CLSPN: variants seen among roughly 807,000 people sequenced by gnomAD.
The protein encoded by CLSPN is claspin.
In CLSPN, 85 loss-of-function variants were observed where a neutral mutation model predicts 156.3. The observed-to-expected ratio is 0.54, with a 90% CI of 0.46 to 0.65. The LOEUF is 0.65. Among genes scored for constraint, CLSPN ranks in the 30% least tolerant of loss-of-function variants. CLSPN has a pLI of 0.00. For synonymous variants in CLSPN, 534 were observed against 542.4 expected (o/e 0.98, Z 0.22); for missense variants, 1,407 against 1,554.9 (o/e 0.90, Z 1.60).
Position 35,733,236 on chromosome 1 carries a change from G to A in CLSPN, c.*3260C>T, listed in dbSNP as rs1180635539. ...AGCTGCCTCAGCCTCCCAAAGTGCTGAGATTACAGGCATAAGCCACCACGC... is the reference window on the plus strand; with the variant it reads ...AGCTGCCTCAGCCTCCCAAAGTGCTAAGATTACAGGCATAAGCCACCACGC... On this transcript the variant is annotated 3_prime_UTR_variant, in exon 25 of 25. Coordinates refer to ENST00000318121, the MANE Select transcript of CLSPN (RefSeq NM_022111.4). 1.3e-5 allele frequency among the ~76,000 whole-genome samples: 2 copies of A among 151,702 alleles called. No individual in the cohort carries two copies. Among genetic ancestry groups the A allele is most frequent in the Non-Finnish European group, 2.9e-5 (2 of 67,976 alleles).
At chr1:35,751,116 T>A in intron 10 of CLSPN, 134 bp downstream of exon 10, 1 of 1,046,888 alleles carries the variant, frequency 9.6e-7, no homozygotes, top group Non-Finnish European at 1.4e-6. Context: ...TAGGGATATA[T>A]GAGGTAGTTA....
rs1641413282 is a variant in CLSPN, at chr1:35,734,847, A to G, written c.*1649T>C. The G allele has an allele frequency of 1.3e-5, 13 of 985,458 alleles. No individual in the cohort carries two copies. The highest frequency in any genetic ancestry group is 1.6e-5 in the Non-Finnish European group (13 of 829,942). The allele number at this position is 985,458 out of a possible 1,614,324, so 61.0% of individuals were successfully genotyped here. ...AAGTACAGGTCCTGACACTGAAACC[A>G]CAGTATTCACATGGAATGTTTTTCC... On this transcript the variant is annotated 3_prime_UTR_variant, in exon 25 of 25. Coordinates refer to ENST00000318121, the MANE Select transcript of CLSPN (RefSeq NM_022111.4).
At chr1:35,730,398 G>A (rs143498819), downstream of CLSPN, among the ~76,000 whole-genome samples, 667 of 151,734 alleles carry the variant, frequency 4.4e-3, 3 homozygotes, top group Non-Finnish European at 7.4e-3. Context: ...ACAAAAATTA[G>A]CTGGGCACTA....
At chr1:35,752,245 A>G (rs982681186) in intron 9 of CLSPN, among the ~76,000 whole-genome samples, 3 of 152,180 alleles carry the variant, frequency 2.0e-5, no homozygotes, top group Admixed American at 1.3e-4. Flanking sequence ...TTAATGAGTC[A>G]TGTTGTATTC....
At position 35,734,900 on chromosome 1, in the gene CLSPN, G is replaced by A; in HGVS notation, c.*1596C>T. 1 of 985,372 alleles carries A rather than the reference G, an allele frequency of 1.0e-6. No homozygotes were observed. Among genetic ancestry groups the A allele is most frequent in the East Asian group, 1.1e-4 (1 of 8,806 alleles). 61.0% of individuals were successfully genotyped at this position (985,372 alleles called of 1,614,324 possible). On this transcript the variant is annotated 3_prime_UTR_variant, in exon 25 of 25. Coordinates refer to ENST00000318121, the MANE Select transcript of CLSPN (RefSeq NM_022111.4). ...AGCAGCACTGATGCTCAGTTCTGAG[G>A]GGAAAAACATTTGTCTAAAATTCTG...
intron 8 of CLSPN, among the ~76,000 whole-genome samples, chr1:35,755,083 T>C (rs968252626): frequency 2.0e-5 from 3 of 152,156 alleles, no homozygotes; most frequent in African/African-American, 7.2e-5. Context: ...TCAGGCGGCC[T>C]TCTCGTCCAT....
intron 3 of CLSPN, among the ~76,000 whole-genome samples, chr1:35,763,861 A>C (rs1200765281): frequency 6.7e-6 from 1 of 149,838 alleles, no homozygotes; most frequent in African/African-American, 2.5e-5. Context: ...TGGTACAATT[A>C]CAGCTTCATT....
downstream of CLSPN, among the ~76,000 whole-genome samples, chr1:35,729,248 T>C (rs913727617): frequency 1.3e-5 from 2 of 152,094 alleles, no homozygotes; most frequent in Non-Finnish European, 2.9e-5. Context: ...GACTAGGCAA[T>C]AATTCTCCAG....
At chr1:35,729,397 T>C (rs759397974), downstream of CLSPN, among the ~76,000 whole-genome samples, 2 of 152,202 alleles carry the variant, frequency 1.3e-5, no homozygotes, top group African/African-American at 2.4e-5. Flanking sequence ...CCTTAGGCTG[T>C]AGCTACTTCA....
rs748810085 is a variant in CLSPN at position 35,743,516 on chromosome 1, T to C, written c.2981A>G (p.Glu994Gly). ...CCGAAAGTCTCCAAATTCCTCCTCC[T>C]CGTCTTCCTCTTCCCTAAAATGTAA... ...SFPTDKEEED[E>G]EEEFGDFRLV... The change falls in exon 17 of 25, where the codon GAG becomes GGG. Residue 994 changes from glutamate to glycine, a missense_variant. Physicochemically the swap from Glu to Gly is moderately conservative, Grantham distance 98. This residue lies in a region of CLSPN where 1,096 missense variants were observed against 1,193.0 expected (regional missense o/e 0.92). Transcript: ENST00000318121. 6.2e-7 allele frequency: 1 copy of C among 1,613,238 alleles called. No individual in the cohort carries two copies. Among genetic ancestry groups the C allele is most frequent in the East Asian group, 2.2e-5 (1 of 44,870 alleles).
exon 25 of CLSPN, chr1:35,720,783 C>T (rs144510268): frequency 4.2e-6 from 3 of 722,268 alleles, no homozygotes; most frequent in Middle Eastern, 2.5e-4. Flanking sequence ...CTTTGGTGAT[C>T]TAGGGTTATG....
In CLSPN at chr1:35,747,012, A is replaced by G. The variant is rs752658697; in HGVS notation, c.2628-20T>C. The G allele has an allele frequency of 7.5e-6, 12 of 1,593,282 alleles. No homozygotes were observed. The South Asian group carries it at 1.3e-4, about 18-fold the overall frequency. On this transcript the variant is annotated intron_variant, in intron 14 of 24. Transcript: ENST00000318121. ...AAGAACCTAAGAACCAATGAGCACA[A>G]CGAATAGTGTAAAAAATTCCTCAGA...
chr1:35,761,317 C>A, intron 6 of CLSPN, 113 bp from the exon 7 acceptor site: 1 of 642,816 alleles, frequency 1.6e-6, no homozygotes, highest in Non-Finnish European at 2.5e-6. Context: ...TAGAAAACTC[C>A]CCTTTAACAA....
chr1:35,733,880 T>C lies in CLSPN; in HGVS notation c.*2616A>G. 1 of 590,740 alleles carries C rather than the reference T, an allele frequency of 1.7e-6. No individual in the cohort carries two copies. Among genetic ancestry groups the C allele is most frequent in the African/African-American group, 2.0e-5 (1 of 49,484 alleles). 36.6% of individuals were successfully genotyped at this position (590,740 alleles called of 1,614,324 possible). A position where few individuals can be genotyped will look rare whatever the true frequency, so the allele number is the denominator to read the frequency against. On this transcript the variant is annotated 3_prime_UTR_variant, in exon 25 of 25. Coordinates refer to ENST00000318121, the MANE Select transcript of CLSPN (RefSeq NM_022111.4). ...TAATGTGGCCCAGCTATTCCAAAGGTTGAGGAAGGAGGATGCTGAAGCCCA... is the reference window on the plus strand; with the variant it reads ...TAATGTGGCCCAGCTATTCCAAAGGCTGAGGAAGGAGGATGCTGAAGCCCA...
At position 35,745,586 on chromosome 1, in the gene CLSPN, G is replaced by A. The variant is rs771280904; in HGVS notation, c.2855-24C>T. 9.5e-6 allele frequency: 14 copies of A among 1,472,234 alleles called. No homozygotes were observed. The Admixed American group carries it at 1.3e-4, about 14-fold the overall frequency. The allele number at this position is 1,472,234 out of a possible 1,614,324, so 91.2% of individuals were successfully genotyped here. ...ATCTACATCACAACAAGGAAAAGAT[G>A]TGTCACCAAGGAATGATAGCTTTAT... On this transcript the variant is annotated intron_variant, in intron 15 of 24. Transcript: ENST00000318121.
At position 35,769,957 on chromosome 1, in the gene CLSPN, C is replaced by A; in HGVS notation, c.-87G>T. ...AGCAGCGGCTCCCGCCGTCTCCAGC[C>A]CAGCAGTGCTGTTCTTGCTTTCCCG... On this transcript the variant is annotated 5_prime_UTR_variant, in exon 1 of 25. Transcript: ENST00000318121. 2 of 1,513,932 alleles carry A rather than the reference C, an allele frequency of 1.3e-6. No individual in the cohort carries two copies. The highest frequency in any genetic ancestry group is 1.2e-5 in the South Asian group (1 of 86,524). The allele number at this position is 1,513,932 out of a possible 1,614,324, so 93.8% of individuals were successfully genotyped here. A position where few individuals can be genotyped will look rare whatever the true frequency, so the allele number is the denominator to read the frequency against.
intron 8 of CLSPN, among the ~76,000 whole-genome samples, chr1:35,758,622 G>C (rs1030868807): frequency 1.3e-5 from 2 of 151,736 alleles, no homozygotes; most frequent in African/African-American, 4.8e-5. Context: ...TCCAGCCTAG[G>C]TGGCAAGAGC....
At chr1:35,762,203 G>A (rs2148626226) in intron 5 of CLSPN, 133 bp from the exon 6 acceptor site, 6 of 801,088 alleles carry the variant, frequency 7.5e-6, no homozygotes, top group Middle Eastern at 3.1e-4. Context: ...CCCAAATGCA[G>A]TATAAACTCA....
At position 35,762,000 on chromosome 1, in the gene CLSPN, C is replaced by T. The variant is rs115197921; in HGVS notation, c.893G>A (p.Arg298Gln). The T allele has an allele frequency of 2.9e-4, 463 of 1,610,644 alleles. 7 individuals carry two copies. The East Asian group carries it at 9.8e-3, about 34-fold the overall frequency. The stretch of plus-strand genomic sequence containing the variant: ...CAAAGTTTACTGGGTTGCATTACCT[C>T]GAATAAGGCGCTGAGTCTCACTATG... ...QLHSETQRLIRESALNLPYHM... is the reference protein window; with the variant it reads ...QLHSETQRLIQESALNLPYHM... Residue 298 changes from arginine to glutamine, a missense_variant and splice_region_variant, in exon 6 of 25, where the codon CGA (arginine) becomes CAA (glutamine). Around this residue, in one of 3 missense-constraint regions of CLSPN, gnomAD observed 1,096 missense variants for 1,193.0 expected, o/e 0.92. Transcript: ENST00000318121.
Sources: allele counts gnomAD v4.1 joint callset (sites outside exome capture counted in the v4.1 genomes callset), GRCh38; gene constraint gnomAD v4.1.1; regional missense constraint gnomAD v4.1.1; transcripts MANE v1.5; gene names NCBI Gene and HGNC (gene_info 2026-07-23, HGNC 2026-07-21).